Variants in TRIM24 observed in about 807,000 individuals in gnomAD.
The protein encoded by TRIM24 is transcription intermediary factor 1-alpha.
A neutral mutation model predicts 123.9 loss-of-function variants in TRIM24; 29 were observed. The observed-to-expected ratio is 0.23, with a 90% confidence interval of 0.17 to 0.32. TRIM24 has a LOEUF of 0.32. TRIM24 is among the 10% of genes least tolerant of loss of function. TRIM24 has a pLI of 1.00. For synonymous variants in TRIM24, 456 were observed against 461.1 expected (o/e 0.99, Z 0.14); for missense variants, 932 against 1,295.3 (o/e 0.72, Z 4.31).
At chr7:138,472,878 T>C (rs1453906690) in intron 1 of TRIM24, among the ~76,000 whole-genome samples, 1 of 152,220 alleles carries the variant, frequency 6.6e-6, no homozygotes. Context: ...TAAAAAAATT[T>C]TTTTTTTAAA....
chr7:138,536,818 G>A lies in TRIM24; in HGVS notation c.997-1839G>A, dbSNP rs189514023. Among the ~76,000 whole-genome samples the A allele has an allele frequency of 1.6e-4, 24 of 152,346 alleles. No homozygotes were observed. In the East Asian group the frequency reaches 2.7e-3, roughly 17 times the overall value. On this transcript the variant is annotated intron_variant, in intron 6 of 18. Coordinates refer to ENST00000343526, the MANE Select transcript of TRIM24 (RefSeq NM_015905.3). ...GCTATGCCCTGCCCCCAGAGGTGGC[G>A]TCTGCAGAGGCACGCAGGCCTCCTT...
chr7:138,466,084 A>T (rs953697746), intron 1 of TRIM24, among the ~76,000 whole-genome samples: 1 of 152,014 alleles, frequency 6.6e-6, no homozygotes, highest in Non-Finnish European at 1.5e-5. Flanking sequence ...GCTCACTGCA[A>T]CCTCCACCTC....
intron 4 of TRIM24, among the ~76,000 whole-genome samples, chr7:138,522,853 CAAG>C (rs146391383): frequency 0.44 from 66,175 of 151,754 alleles, 15,224 homozygotes; most frequent in African/African-American, 0.49. Context: ...TTCAAATCAT[CAAG>C]AAGAAATTCC....
intron 9 of TRIM24, among the ~76,000 whole-genome samples, chr7:138,563,131 TG>T (rs1284910652): frequency 6.6e-6 from 1 of 152,196 alleles, no homozygotes; most frequent in African/African-American, 2.4e-5. Flanking sequence ...GTCCATTAGC[TG>T]GCCCCCCACT....
chr7:138,551,048 T>C lies in TRIM24; in HGVS notation c.1144-15T>C, dbSNP rs373959259. On this transcript the variant is annotated splice_polypyrimidine_tract_variant and intron_variant, in intron 7 of 18. Coordinates refer to ENST00000343526, the MANE Select transcript of TRIM24 (RefSeq NM_015905.3). ...TATTTGCCTAATATTTAGTTATCTCTCCTTTTTCTTCTAGATTACATACCG... is the reference window on the plus strand; with the variant it reads ...TATTTGCCTAATATTTAGTTATCTCCCCTTTTTCTTCTAGATTACATACCG... 25 of 1,605,144 alleles carry C rather than the reference T, an allele frequency of 1.6e-5. No homozygotes were observed. Among genetic ancestry groups the C allele is most frequent in the Non-Finnish European group, 2.0e-5 (24 of 1,172,814 alleles).
At position 138,586,555 on chromosome 7, in the gene TRIM24, T is replaced by C. The variant is rs2116703157; in HGVS notation, c.*1604T>C. The C allele has an allele frequency of 6.6e-6, 1 of 152,184 alleles. No individual in the cohort carries two copies. Among genetic ancestry groups the C allele is most frequent in the African/African-American group, 2.4e-5 (1 of 41,590 alleles). 9.4% of individuals were successfully genotyped at this position (152,184 alleles called of 1,614,324 possible). A position where few individuals can be genotyped will look rare whatever the true frequency, so the allele number is the denominator to read the frequency against. ...TAGGTCTTGTTCATAATATGTCAAT[T>C]ATGTATTGTTAAAAAGTCCTACTCA... On this transcript the variant is annotated 3_prime_UTR_variant, in exon 19 of 19. Transcript: ENST00000343526.
At chr7:138,474,204 C>T (rs1003378489) in intron 1 of TRIM24, among the ~76,000 whole-genome samples, 16 of 149,818 alleles carry the variant, frequency 1.1e-4, no homozygotes, top group Non-Finnish European at 2.4e-4. Flanking sequence ...CAGCTCACTG[C>T]AAACTCTGCC....
intron 1 of TRIM24, among the ~76,000 whole-genome samples, chr7:138,494,844 C>T (rs1795867952): frequency 6.6e-6 from 1 of 152,072 alleles, no homozygotes; most frequent in Admixed American, 6.6e-5. Context: ...TTTAAGGGTA[C>T]ATCTGCCACT....
intron 7 of TRIM24, among the ~76,000 whole-genome samples, chr7:138,547,715 A>G (rs1797129445): frequency 6.6e-6 from 1 of 152,152 alleles, no homozygotes; most frequent in Non-Finnish European, 1.5e-5. Context: ...TCCCTCTGTC[A>G]CCCAGGCTTG....
chr7:138,521,954 T>C (rs1413801035), intron 4 of TRIM24, among the ~76,000 whole-genome samples: 1 of 151,972 alleles, frequency 6.6e-6, no homozygotes, highest in African/African-American at 2.4e-5. Context: ...CAGTGGAAAA[T>C]CTTACCACTT....
chr7:138,582,688 C>T (rs1797927748), intron 17 of TRIM24, among the ~76,000 whole-genome samples: 1 of 152,088 alleles, frequency 6.6e-6, no homozygotes, highest in Non-Finnish European at 1.5e-5. Context: ...CATTGCTCTC[C>T]AGCCTGGGCA....
At chr7:138,501,883 G>A (rs531131949) in intron 1 of TRIM24, among the ~76,000 whole-genome samples, 35 of 146,390 alleles carry the variant, frequency 2.4e-4, no homozygotes, top group African/African-American at 7.8e-4. Flanking sequence ...GCAAGACTCC[G>A]TCTCAAAAAA....
In TRIM24 at chr7:138,577,406, T is replaced by C; in HGVS notation, c.2088-14T>C. On this transcript the variant is annotated splice_polypyrimidine_tract_variant and intron_variant, in intron 13 of 18. Transcript: ENST00000343526. ...CATTCTTAGATTGCTTTTTCTTCTC[T>C]CTCATACTTACAGCTCTGGCTCTTC... 1 of 1,527,064 alleles carries C rather than the reference T, an allele frequency of 6.5e-7. No homozygotes were observed. Among genetic ancestry groups the C allele is most frequent in the Non-Finnish European group, 8.8e-7 (1 of 1,141,660 alleles). The allele number at this position is 1,527,064 out of a possible 1,614,324, so 94.6% of individuals were successfully genotyped here. A position where few individuals can be genotyped will look rare whatever the true frequency, so the allele number is the denominator to read the frequency against.
chr7:138,557,937 GATT>G (rs1797349135), intron 9 of TRIM24, among the ~76,000 whole-genome samples: 2 of 143,146 alleles, frequency 1.4e-5, no homozygotes, highest in Admixed American at 7.5e-5. Context: ...CATAATATTG[GATT>G]ATTCTCTCAG....
intron 10 of TRIM24, among the ~76,000 whole-genome samples, chr7:138,569,582 A>G (rs1302122032): frequency 1.3e-5 from 2 of 152,174 alleles, no homozygotes; most frequent in African/African-American, 2.4e-5. Context: ...CGATCCACCA[A>G]CTGATTGTTC....
At chr7:138,509,698 T>G in intron 2 of TRIM24, among the ~76,000 whole-genome samples, 1 of 71,196 alleles carries the variant, frequency 1.4e-5, no homozygotes, top group Non-Finnish European at 2.4e-5. Flanking sequence ...TGAGACTCTG[T>G]CTCAAAAAAA....
In TRIM24 at chr7:138,460,471, C is replaced by G. The variant is rs1794932794; in HGVS notation, c.-78C>G. The G allele has an allele frequency of 8.1e-7, 1 of 1,239,870 alleles. No individual in the cohort carries two copies. Among genetic ancestry groups the G allele is most frequent in the Non-Finnish European group, 1.0e-6 (1 of 989,964 alleles). 76.8% of individuals were successfully genotyped at this position (1,239,870 alleles called of 1,614,324 possible). ...CCGAGCGGCCTCTGAGGAGCAGCCG[C>G]AGGAGGAGGAGGAGGTCGTCGGGGG... On this transcript the variant is annotated 5_prime_UTR_variant, in exon 1 of 19. Coordinates refer to ENST00000343526, the MANE Select transcript of TRIM24 (RefSeq NM_015905.3).
intron 7 of TRIM24, among the ~76,000 whole-genome samples, chr7:138,545,903 T>C (rs1797091690): frequency 6.6e-6 from 1 of 152,116 alleles, no homozygotes; most frequent in Non-Finnish European, 1.5e-5. Context: ...TTAAATAAGA[T>C]TACATGAATT....
chr7:138,491,607 A>G (rs1266656230), intron 1 of TRIM24, among the ~76,000 whole-genome samples: 1 of 152,004 alleles, frequency 6.6e-6, no homozygotes, highest in Non-Finnish European at 1.5e-5. Flanking sequence ...TAGGCTGCCC[A>G]CTCTTTAGCT....
Sources: allele counts gnomAD v4.1 joint callset (sites outside exome capture counted in the v4.1 genomes callset), GRCh38; gene constraint gnomAD v4.1.1; transcripts MANE v1.5; gene names NCBI Gene and HGNC (gene_info 2026-07-23, HGNC 2026-07-21).